The following GPR158 variants were observed in gnomAD, a reference collection of about 807,000 sequenced individuals.
GPR158 encodes the protein metabotropic glycine receptor.
A neutral mutation model predicts 78.2 loss-of-function variants in GPR158; 30 were observed. The ratio of observed to expected loss-of-function variants is 0.38; its 90% CI spans 0.29 to 0.52. The LOEUF (loss-of-function observed/expected upper bound fraction) is 0.52. Among genes scored for constraint, GPR158 ranks in the 20% least tolerant of loss-of-function variants. GPR158 has a pLI of 0.83. For synonymous variants in GPR158, 581 were observed against 591.1 expected (o/e 0.98, Z 0.25); for missense variants, 1,463 against 1,523.5 (o/e 0.96, Z 0.66).
intron 2 of GPR158, among the ~76,000 whole-genome samples, chr10:25,353,665 A>T (rs1855506725): frequency 6.6e-6 from 1 of 152,132 alleles, no homozygotes; most frequent in African/African-American, 2.4e-5. Context: ...ATGTTAAAAC[A>T]GTGATTTACC....
intron 4 of GPR158, among the ~76,000 whole-genome samples, chr10:25,425,876 G>A (rs930212303): frequency 6.6e-6 from 1 of 152,082 alleles, no homozygotes; most frequent in Admixed American, 6.6e-5. Context: ...TTGAGAAGCA[G>A]ATCAAGATTG....
intron 1 of GPR158, among the ~76,000 whole-genome samples, chr10:25,213,440 T>TA (rs989466201): frequency 5.6e-4 from 86 of 152,314 alleles, no homozygotes; most frequent in African/African-American, 2.0e-3. Flanking sequence ...TTTCCAGTGC[T>TA]AAAACAACTT....
chr10:25,278,642 A>G lies in GPR158; in HGVS notation c.1008+57485A>G, dbSNP rs1441343630. 7.2e-5 allele frequency among the ~76,000 whole-genome samples: 11 copies of G among 152,090 alleles called. No individual in the cohort carries two copies. In the East Asian group the frequency reaches 1.7e-3, roughly 24 times the overall value. ...AAAAAATTGTAAAATAATAAAAACGAAGAGAAAATATTAAAAGTAGACTGA... is the reference window on the plus strand; with the variant it reads ...AAAAAATTGTAAAATAATAAAAACGGAGAGAAAATATTAAAAGTAGACTGA... On this transcript the variant is annotated intron_variant, in intron 2 of 10. Coordinates refer to ENST00000376351, the MANE Select transcript of GPR158 (RefSeq NM_020752.3).
chr10:25,381,733 C>G (rs1834157732), intron 2 of GPR158, among the ~76,000 whole-genome samples: 1 of 152,064 alleles, frequency 6.6e-6, no homozygotes, highest in Non-Finnish European at 1.5e-5. Flanking sequence ...TTTAATTCAT[C>G]TTGAATTCAA....
At position 25,501,279 on chromosome 10, in the gene GPR158, T is replaced by A. The variant is rs570512835; in HGVS notation, c.1404+34560T>A. 2.0e-5 allele frequency among the ~76,000 whole-genome samples: 3 copies of A among 152,286 alleles called. No individual in the cohort carries two copies. The South Asian group carries it at 6.2e-4, about 32-fold the overall frequency. On this transcript the variant is annotated intron_variant, in intron 5 of 10. Coordinates refer to ENST00000376351, the MANE Select transcript of GPR158 (RefSeq NM_020752.3). The stretch of plus-strand genomic sequence containing the variant: ...GCGCAGTCTCACTCGGGGCATGGCG[T>A]CCTTCTACTCGCTCATCCTTCAAGT...
intron 2 of GPR158, among the ~76,000 whole-genome samples, chr10:25,315,236 G>C (rs1854831450): frequency 6.6e-6 from 1 of 151,842 alleles, no homozygotes; most frequent in African/African-American, 2.4e-5. Flanking sequence ...TTTTTATTAT[G>C]CTTTTATCTC....
intron 9 of GPR158, among the ~76,000 whole-genome samples, chr10:25,595,961 CCTTAGAATAAGAGA>C (rs1208322851): frequency 6.6e-6 from 1 of 151,902 alleles, no homozygotes. Flanking sequence ...TGTTATATAT[CCTTAGAATAAGAGA>C]AATGAACAGA....
chr10:25,227,368 T>C (rs1245344217), intron 2 of GPR158, among the ~76,000 whole-genome samples: 1 of 152,244 alleles, frequency 6.6e-6, no homozygotes, highest in Non-Finnish European at 1.5e-5. Context: ...ACATCTCTTT[T>C]ACTATTAAAA....
chr10:25,375,298 T>TA (rs1834062121), intron 2 of GPR158, among the ~76,000 whole-genome samples: 1 of 151,628 alleles, frequency 6.6e-6, no homozygotes, highest in Non-Finnish European at 1.5e-5. Context: ...ATAGGTTGCT[T>TA]GCCATCATTT....
At chr10:25,231,727 CAG>C (rs764719874) in intron 2 of GPR158, among the ~76,000 whole-genome samples, 2 of 152,160 alleles carry the variant, frequency 1.3e-5, no homozygotes, top group Non-Finnish European at 2.9e-5. Flanking sequence ...GGGAATATAA[CAG>C]AGGTGAATAT....
At chr10:25,193,804 T>TTG (rs1032015007) in intron 1 of GPR158, among the ~76,000 whole-genome samples, 1 of 151,916 alleles carries the variant, frequency 6.6e-6, no homozygotes, top group African/African-American at 2.4e-5. Context: ...TGATGAGACT[T>TTG]CAGTCAAAGA....
intron 2 of GPR158, among the ~76,000 whole-genome samples, chr10:25,351,178 G>C (rs1469251589): frequency 6.6e-6 from 1 of 151,880 alleles, no homozygotes; most frequent in Non-Finnish European, 1.5e-5. Flanking sequence ...AATATACCTA[G>C]ATATACCTGA....
chr10:25,175,689 A>C lies in GPR158; in HGVS notation c.269A>C (p.Asp90Ala), dbSNP rs771616703. The change falls in exon 1 of 11, where the codon GAC becomes GCC. Residue 90 changes from aspartate to alanine, a missense_variant. Physicochemically the swap from Asp to Ala is moderately radical, Grantham distance 126. Coordinates refer to ENST00000376351, the MANE Select transcript of GPR158 (RefSeq NM_020752.3). This position sits in a 1 kb window ranked among gnomAD's most constrained non-coding sequence, Gnocchi z 6.4. ...MDVASYLYTG[D>A]SHQLKRANCS... ...GTGGCCTCTTACCTCTACACCGGGG[A>C]CTCCCACCAGCTGAAGCGAGCCAAC... 8.7e-6 allele frequency: 14 copies of C among 1,611,180 alleles called. No homozygotes were observed. In the African/African-American group the frequency reaches 1.9e-4, roughly 22 times the overall value.
At chr10:25,280,318 G>C (rs1000676263) in intron 2 of GPR158, among the ~76,000 whole-genome samples, 5 of 152,160 alleles carry the variant, frequency 3.3e-5, no homozygotes, top group Non-Finnish European at 7.4e-5. Context: ...AGAAAGCTGA[G>C]ATACCTATCT....
At chr10:25,238,702 A>G (rs1797604077) in intron 2 of GPR158, among the ~76,000 whole-genome samples, 1 of 152,218 alleles carries the variant, frequency 6.6e-6, no homozygotes, top group Non-Finnish European at 1.5e-5. Context: ...AACAAAATCA[A>G]GAATGGGTTA....
intron 2 of GPR158, among the ~76,000 whole-genome samples, chr10:25,222,975 CCT>C (rs1326375171): frequency 6.6e-6 from 1 of 152,112 alleles, no homozygotes; most frequent in East Asian, 1.9e-4. Flanking sequence ...ACTGAAAGAA[CCT>C]CTTTCTCCTT....
chr10:25,326,531 T>C (rs1855035927), intron 2 of GPR158, among the ~76,000 whole-genome samples: 1 of 152,178 alleles, frequency 6.6e-6, no homozygotes, highest in Admixed American at 6.5e-5. Context: ...GTGCACGATC[T>C]CATTTATATG....
intron 1 of GPR158, among the ~76,000 whole-genome samples, chr10:25,208,492 T>A (rs921084867): frequency 2.0e-5 from 3 of 152,158 alleles, no homozygotes; most frequent in Non-Finnish European, 4.4e-5. Flanking sequence ...TATGATATTC[T>A]TCTATCAACC....
intron 4 of GPR158, among the ~76,000 whole-genome samples, chr10:25,461,924 T>C (rs1453776188): frequency 2.6e-5 from 4 of 151,912 alleles, no homozygotes; most frequent in Admixed American, 1.3e-4. Context: ...GTATTTTTAA[T>C]AGAGACGGGG....
Sources: allele counts gnomAD v4.1 joint callset (sites outside exome capture counted in the v4.1 genomes callset), GRCh38; gene constraint gnomAD v4.1.1; non-coding constraint Gnocchi (gnomAD v3.1); transcripts MANE v1.5; gene names NCBI Gene and HGNC (gene_info 2026-07-23, HGNC 2026-07-21).